GRM8: variants seen among roughly 807,000 people sequenced by gnomAD.
The protein encoded by GRM8 is metabotropic glutamate receptor 8.
In GRM8, 47 loss-of-function variants were observed where a neutral mutation model predicts 87.2. The observed-to-expected ratio is 0.54, with a 90% CI of 0.43 to 0.69. The LOEUF (loss-of-function observed/expected upper bound fraction) is 0.69, where lower values mean the gene tolerates loss of function less well. Among genes scored for constraint, GRM8 ranks in the 30% least tolerant of loss-of-function variants. The pLI is 0.00. For synonymous variants in GRM8, 396 were observed against 404.5 expected, an observed-to-expected ratio of 0.98 and a Z score of 0.25; for missense variants, 1,019 against 1,139.2, an observed-to-expected ratio of 0.89 and a Z score of 1.52.
chr7:126,770,177 G>A (rs1818688540), intron 6 of GRM8, 112 bp from the exon 7 acceptor site: 4 of 685,296 alleles, frequency 5.8e-6, no homozygotes, highest in Non-Finnish European at 7.5e-6. Context: ...ACGACTATTT[G>A]ATTTCACTTC....
intron 2 of GRM8, among the ~76,000 whole-genome samples, chr7:127,161,983 T>C (rs1485300634): frequency 6.6e-6 from 1 of 152,166 alleles, no homozygotes; most frequent in African/African-American, 2.4e-5. Flanking sequence ...GCAAGACACA[T>C]GCTGATCACA....
chr7:126,981,512 A>G (rs1811524631), intron 3 of GRM8, among the ~76,000 whole-genome samples: 1 of 152,160 alleles, frequency 6.6e-6, no homozygotes, highest in South Asian at 2.1e-4. Flanking sequence ...TGAGCATGCT[A>G]AAGTGCTAGC....
chr7:127,092,251 T>C (rs1412537615), intron 3 of GRM8, among the ~76,000 whole-genome samples: 6 of 152,082 alleles, frequency 3.9e-5, no homozygotes, highest in African/African-American at 1.4e-4. Flanking sequence ...TCTGTGGCAA[T>C]GGTCTTTCTT....
intron 7 of GRM8, among the ~76,000 whole-genome samples, chr7:126,733,991 T>C (rs1813906680): frequency 6.6e-6 from 1 of 152,078 alleles, no homozygotes; most frequent in South Asian, 2.1e-4. Flanking sequence ...TTAAAAATTA[T>C]TATTTTAAGC....
intron 3 of GRM8, among the ~76,000 whole-genome samples, chr7:127,061,062 A>G (rs1290034864): frequency 6.6e-6 from 1 of 152,234 alleles, no homozygotes; most frequent in Non-Finnish European, 1.5e-5. Context: ...TGAGACAGGT[A>G]TAACAAACAA....
At chr7:126,536,630 A>G (rs1309654205) in intron 8 of GRM8, among the ~76,000 whole-genome samples, 5 of 152,180 alleles carry the variant, frequency 3.3e-5, no homozygotes, top group Non-Finnish European at 7.4e-5. Flanking sequence ...ATGGAAGCAC[A>G]CAGTGATTTC....
chr7:127,249,729 A>G (rs1329279515), intron 1 of GRM8, among the ~76,000 whole-genome samples: 1 of 152,234 alleles, frequency 6.6e-6, no homozygotes, highest in Non-Finnish European at 1.5e-5. Flanking sequence ...AATGGAAACA[A>G]TAAGCCAGCC....
chr7:126,709,454 G>A (rs1810879313), intron 7 of GRM8, among the ~76,000 whole-genome samples: 1 of 151,568 alleles, frequency 6.6e-6, no homozygotes, highest in South Asian at 2.1e-4. Flanking sequence ...AGAAGAGGAA[G>A]AAGAGGACGA....
Position 126,788,420 on chromosome 7 carries a change from A to AAAAAAAACAAAAACAAAAAACAAAAAAC in GRM8, c.1157-18356_1157-18355insGTTTTTTGTTTTTTGTTTTTGTTTTTTT. ...GCAAGACTCCATCTCAAAAAAAAAA[A>AAAAAAAACAAAAACAAAAAACAAAAAAC]AAACCCTTTCAGATATCTTTAACAT... On this transcript the variant is annotated intron_variant, in intron 6 of 10. Transcript: ENST00000339582. Among the ~76,000 whole-genome samples the AAAAAAAACAAAAACAAAAAACAAAAAAC allele has an allele frequency of 4.1e-3, 335 of 81,140 alleles. 23 individuals carry two copies. The highest frequency in any genetic ancestry group is 0.014 in the African/African-American group (311 of 21,828). The allele number at this position is 81,140 out of a possible 152,430, so 53.2% of individuals were successfully genotyped here.
intron 8 of GRM8, among the ~76,000 whole-genome samples, chr7:126,581,612 C>T (rs1479593123): frequency 1.3e-5 from 2 of 152,094 alleles, no homozygotes; most frequent in African/African-American, 2.4e-5. Context: ...TACAGGTACA[C>T]CTCACATTAC....
At chr7:126,911,381 C>A (rs564677553) in intron 3 of GRM8, among the ~76,000 whole-genome samples, 1 of 151,978 alleles carries the variant, frequency 6.6e-6, no homozygotes, top group South Asian at 2.1e-4. Context: ...CAAATGGATT[C>A]CATAAGTAGT....
chr7:126,514,304 G>A (rs1309971123), intron 9 of GRM8, among the ~76,000 whole-genome samples: 1 of 152,086 alleles, frequency 6.6e-6, no homozygotes, highest in Non-Finnish European at 1.5e-5. Flanking sequence ...GGTTTTATAG[G>A]AGCCTAGTTC....
chr7:126,962,465 A>G (rs1809418245), intron 3 of GRM8, among the ~76,000 whole-genome samples: 1 of 152,256 alleles, frequency 6.6e-6, no homozygotes, highest in Non-Finnish European at 1.5e-5. Flanking sequence ...AATTATTTCA[A>G]TATATTTCAA....
chr7:126,882,065 A>G lies in GRM8; in HGVS notation c.1156+20477T>C, dbSNP rs141549404. On this transcript the variant is annotated intron_variant, in intron 6 of 10. Transcript: ENST00000339582. The stretch of plus-strand genomic sequence containing the variant: ...CAGGCAGACAATTTTATCTTACACT[A>G]GTGACTTGGATGCCATTCCTCTTCC... Among the ~76,000 whole-genome samples the G allele has an allele frequency of 9.4e-3, 1,427 of 152,320 alleles. 9 individuals are homozygous for G. Among genetic ancestry groups the G allele is most frequent in the Non-Finnish European group, 0.015 (1,000 of 68,030 alleles).
intron 3 of GRM8, among the ~76,000 whole-genome samples, chr7:127,030,007 G>C (rs1257507717): frequency 6.6e-6 from 1 of 152,042 alleles, no homozygotes; most frequent in African/African-American, 2.4e-5. Flanking sequence ...AATAAAAGGT[G>C]TTCAAGGTTT....
rs1802476357 is a variant in GRM8, at chr7:126,904,484, T to C, written c.863+64A>G. ...ACAAGCTTTTATGTTGAACATGAAATATGTTAGAAAGAGGATATGGGACAC... is the reference window on the plus strand; with the variant it reads ...ACAAGCTTTTATGTTGAACATGAAACATGTTAGAAAGAGGATATGGGACAC... On this transcript the variant is annotated intron_variant, in intron 4 of 10. Coordinates refer to ENST00000339582, the MANE Select transcript of GRM8 (RefSeq NM_000845.3). 1.2e-5 allele frequency: 17 copies of C among 1,451,586 alleles called. No individual in the cohort carries two copies. The South Asian group carries it at 1.9e-4, about 16-fold the overall frequency. The allele number at this position is 1,451,586 out of a possible 1,614,324, so 89.9% of individuals were successfully genotyped here.
intron 1 of GRM8, among the ~76,000 whole-genome samples, chr7:127,249,828 T>C (rs1798766695): frequency 2.0e-5 from 3 of 152,174 alleles, no homozygotes; most frequent in African/African-American, 7.2e-5. Flanking sequence ...GGATGCCCAG[T>C]CAGAGTCTAT....
At chr7:126,711,325 G>C (rs1035714216) in intron 7 of GRM8, among the ~76,000 whole-genome samples, 28 of 152,192 alleles carry the variant, frequency 1.8e-4, no homozygotes, top group African/African-American at 6.5e-4. Flanking sequence ...TCTTTTGGGT[G>C]ACCAGGTATA....
chr7:126,851,971 C>A (rs1797253805), intron 6 of GRM8, among the ~76,000 whole-genome samples: 1 of 152,116 alleles, frequency 6.6e-6, no homozygotes, highest in Non-Finnish European at 1.5e-5. Flanking sequence ...TGCTCGAGTG[C>A]TGTATTGCCA....
Sources: gnomAD v4.1 joint callset for allele counts (sites outside exome capture counted in the v4.1 genomes callset) on GRCh38, gnomAD v4.1.1 for gene constraint, MANE v1.5 for transcripts, NCBI Gene and HGNC (gene_info 2026-07-23, HGNC 2026-07-21) for gene names.